Variants in CYLC2 observed in about 807,000 individuals in gnomAD.
The protein encoded by CYLC2 is cylicin-2.
Under a neutral mutation model 26.1 loss-of-function variants are expected in CYLC2, and 30 were observed. The observed-to-expected ratio is 1.15, with a 90% CI of 0.86 to 1.56. The LOEUF (loss-of-function observed/expected upper bound fraction) is 1.56. Among genes scored for constraint, CYLC2 ranks in the 40% most tolerant of loss-of-function variants. The pLI is 0.00. For synonymous variants in CYLC2, 158 were observed against 132.8 expected, an observed-to-expected ratio of 1.19 and a Z score of -1.31; for missense variants, 498 against 394.4, an observed-to-expected ratio of 1.26 and a Z score of -2.23.
At chr9:103,003,782 G>A (rs936841677) in intron 3 of CYLC2, among the ~76,000 whole-genome samples, 1 of 152,010 alleles carries the variant, frequency 6.6e-6, no homozygotes, top group East Asian at 1.9e-4. Flanking sequence ...ATGTTCTACA[G>A]CTGGAGAAAT....
Position 103,003,308 on chromosome 9 carries a change from CTT to C in CYLC2, c.180+46_180+47del, listed in dbSNP as rs770599494. On this transcript the variant is annotated intron_variant, in intron 3 of 7. Coordinates refer to ENST00000374798, the MANE Select transcript of CYLC2 (RefSeq NM_001340.5). Reference sequence around the variant, plus strand: ...TATAATTATCAGTAATAAGTAATAACTTAGTAATAATTATAACCATAATAAGT... The same window carrying C: ...TATAATTATCAGTAATAAGTAATAACAGTAATAATTATAACCATAATAAGT... 16 of 1,495,932 alleles carry C rather than the reference CTT, an allele frequency of 1.1e-5. No homozygotes were observed. In the African/African-American group the frequency reaches 2.0e-4, roughly 19 times the overall value. 92.7% of individuals were successfully genotyped at this position (1,495,932 alleles called of 1,614,324 possible).
chr9:103,013,309 T>C (rs1344391351), intron 6 of CYLC2, among the ~76,000 whole-genome samples: 1 of 54,346 alleles, frequency 1.8e-5, no homozygotes, highest in African/African-American at 8.8e-5. Flanking sequence ...ACATGTTATA[T>C]GTTTATATAA....
intron 5 of CYLC2, among the ~76,000 whole-genome samples, chr9:103,011,608 A>G (rs1829407522): frequency 6.6e-6 from 1 of 152,096 alleles, no homozygotes; most frequent in Non-Finnish European, 1.5e-5. Flanking sequence ...CACCATTAAT[A>G]CAATTCCAAA....
intron 1 of CYLC2, among the ~76,000 whole-genome samples, chr9:103,000,203 T>G (rs1269107156): frequency 6.6e-6 from 1 of 151,944 alleles, no homozygotes; most frequent in Non-Finnish European, 1.5e-5. Flanking sequence ...TTTGGACCAC[T>G]GGTTCTTTAA....
chr9:103,017,199 T>G (rs1052947655), intron 7 of CYLC2, among the ~76,000 whole-genome samples: 1 of 151,944 alleles, frequency 6.6e-6, no homozygotes, highest in African/African-American at 2.4e-5. Flanking sequence ...AAAAGGGGAT[T>G]TAAGGTGGGT....
In CYLC2 at chr9:103,006,221, T is replaced by C. The variant is rs10119488; in HGVS notation, c.*543T>C. 0.062 allele frequency: 9,365 copies of C among 151,376 alleles called. 339 individuals are homozygous for C. The highest frequency in any genetic ancestry group is 0.12 in the South Asian group (553 of 4,778). 9.4% of individuals were successfully genotyped at this position (151,376 alleles called of 1,614,324 possible). A position where few individuals can be genotyped will look rare whatever the true frequency, so the allele number is the denominator to read the frequency against. On this transcript the variant is annotated 3_prime_UTR_variant, in exon 5 of 8. Coordinates refer to ENST00000374798, the MANE Select transcript of CYLC2 (RefSeq NM_001340.5). ...TAGAAAGCCTACTTTCAAGTAAATATAGCATTCCTTTGGCAAAAAGAAAAA... is the reference window on the plus strand; with the variant it reads ...TAGAAAGCCTACTTTCAAGTAAATACAGCATTCCTTTGGCAAAAAGAAAAA...
At chr9:103,008,195 A>G (rs1829371593) in intron 5 of CYLC2, among the ~76,000 whole-genome samples, 2 of 152,144 alleles carry the variant, frequency 1.3e-5, no homozygotes. Context: ...ATAGGATTCA[A>G]AAGTCAGGTT....
chr9:103,013,479 ATATT>A (rs1354085869), intron 6 of CYLC2, among the ~76,000 whole-genome samples: 1 of 106,724 alleles, frequency 9.4e-6, no homozygotes, highest in African/African-American at 3.9e-5. Context: ...ATATAAATAT[ATATT>A]TAACATATTA....
intron 5 of CYLC2, among the ~76,000 whole-genome samples, chr9:103,006,626 A>G (rs28454429): frequency 0.097 from 14,784 of 151,740 alleles, 862 homozygotes; most frequent in African/African-American, 0.16. Context: ...GTGTTAGCCA[A>G]GATGGTCTCA....
At chr9:103,017,249 A>G (rs1011428101) in intron 7 of CYLC2, among the ~76,000 whole-genome samples, 2 of 152,004 alleles carry the variant, frequency 1.3e-5, no homozygotes, top group Admixed American at 6.6e-5. Context: ...AATTATTAGA[A>G]TATGTCCTAG....
intron 1 of CYLC2, among the ~76,000 whole-genome samples, chr9:102,998,426 C>G (rs1227475869): frequency 1.3e-5 from 2 of 151,728 alleles, no homozygotes; most frequent in Non-Finnish European, 2.9e-5. Flanking sequence ...ATAAGAATGT[C>G]AAAAATTGAA....
At position 103,004,778 on chromosome 9, in the gene CYLC2, A is replaced by G. The variant is rs371955196; in HGVS notation, c.264A>G (p.Pro88=). The G allele has an allele frequency of 8.1e-5, 131 of 1,612,482 alleles. No individual in the cohort carries two copies. Among genetic ancestry groups the G allele is most frequent in the Non-Finnish European group, 9.9e-5 (117 of 1,179,260 alleles). ...YRSLMRISER[P]SVYLAARRQP... ...CTTTAATGAGAATTTCTGAGAGACCATCTGTTTATTTAGCTGCCAGGAGGC... is the reference window on the plus strand; with the variant it reads ...CTTTAATGAGAATTTCTGAGAGACCGTCTGTTTATTTAGCTGCCAGGAGGC... Residue 88 remains proline, a synonymous_variant, in exon 4 of 8, where the codon CCA becomes CCG. Coordinates refer to ENST00000374798, the MANE Select transcript of CYLC2 (RefSeq NM_001340.5).
At chr9:103,007,601 G>C (rs908049278) in intron 5 of CYLC2, among the ~76,000 whole-genome samples, 1 of 151,842 alleles carries the variant, frequency 6.6e-6, no homozygotes, top group African/African-American at 2.4e-5. Flanking sequence ...GTTGATTTGA[G>C]GAAAAAATAA....
chr9:102,995,909 T>C (rs1251983708), intron 1 of CYLC2, among the ~76,000 whole-genome samples: 3 of 151,902 alleles, frequency 2.0e-5, no homozygotes, highest in Admixed American at 1.3e-4. Flanking sequence ...TATGTGGAAG[T>C]ACTTTGTAAT....
intron 1 of CYLC2, 96 bp downstream of exon 1, chr9:102,995,493 T>C (rs975726272): frequency 2.2e-6 from 2 of 891,224 alleles, no homozygotes; most frequent in East Asian, 4.9e-5. Flanking sequence ...ATTATTATGA[T>C]GCCATTCATA....
chr9:103,007,674 T>A (rs1440193582), intron 5 of CYLC2, among the ~76,000 whole-genome samples: 2 of 152,160 alleles, frequency 1.3e-5, no homozygotes, highest in African/African-American at 4.8e-5. Flanking sequence ...ATTCATTTAT[T>A]TCTGATTTAA....
At chr9:102,997,373 G>A (rs1428616811) in intron 1 of CYLC2, among the ~76,000 whole-genome samples, 2 of 151,982 alleles carry the variant, frequency 1.3e-5, no homozygotes, top group South Asian at 2.1e-4. Context: ...TTCTCTGGGT[G>A]AGGAGTTCGA....
intron 5 of CYLC2, among the ~76,000 whole-genome samples, chr9:103,008,386 GA>G (rs979514459): frequency 4.0e-5 from 6 of 151,664 alleles, no homozygotes; most frequent in South Asian, 4.2e-4. Flanking sequence ...AAATAAAAAT[GA>G]AAAAAATGGC....
At chr9:103,000,466 T>C (rs1189386269) in intron 1 of CYLC2, among the ~76,000 whole-genome samples, 3 of 152,054 alleles carry the variant, frequency 2.0e-5, no homozygotes, top group African/African-American at 4.8e-5. Flanking sequence ...ATTTCTTCTG[T>C]AGTATATAAA....
Sources: allele counts gnomAD v4.1 joint callset (sites outside exome capture counted in the v4.1 genomes callset), GRCh38; gene constraint gnomAD v4.1.1; transcripts MANE v1.5; gene names NCBI Gene and HGNC (gene_info 2026-07-23, HGNC 2026-07-21).